The following GLIS3 variants were observed in gnomAD, a reference collection of about 807,000 sequenced individuals.
GLIS3 encodes GLIS family zinc finger 3.
A neutral mutation model predicts 78.6 loss-of-function variants in GLIS3; 53 were observed. The ratio of observed to expected loss-of-function variants is 0.67; its 90% CI spans 0.54 to 0.85. GLIS3 has a LOEUF of 0.85. GLIS3 is among the 40% of genes least tolerant of loss of function. The pLI is 0.00. For synonymous variants in GLIS3, 684 were observed against 509.9 expected (o/e 1.34, Z -4.60); for missense variants, 1,703 against 1,231.1 (o/e 1.38, Z -5.74).
At chr9:4,045,981 C>T (rs1825218243) in intron 4 of GLIS3, among the ~76,000 whole-genome samples, 1 of 152,106 alleles carries the variant, frequency 6.6e-6, no homozygotes. Context: ...TATTAGGCTG[C>T]TCATGACAAG....
intron 6 of GLIS3, among the ~76,000 whole-genome samples, chr9:3,925,586 A>AGTGT (rs1314039364): frequency 6.6e-6 from 1 of 151,042 alleles, no homozygotes. Flanking sequence ...CTACATGGTC[A>AGTGT]GTGTGTGTGC....
chr9:4,176,354 T>G (rs1424247373), intron 2 of GLIS3, among the ~76,000 whole-genome samples: 1 of 152,214 alleles, frequency 6.6e-6, no homozygotes, highest in Non-Finnish European at 1.5e-5. Flanking sequence ...TAGTCTGTCC[T>G]CTCCACCTAT....
intron 2 of GLIS3, among the ~76,000 whole-genome samples, chr9:4,344,682 G>C (rs1817876908): frequency 6.6e-6 from 1 of 152,130 alleles, no homozygotes; most frequent in South Asian, 2.1e-4. Flanking sequence ...CTAGTTCACT[G>C]TTTCACTTGG....
At chr9:4,239,779 G>A (rs1452486947) in intron 2 of GLIS3, among the ~76,000 whole-genome samples, 1 of 152,202 alleles carries the variant, frequency 6.6e-6, no homozygotes, top group Non-Finnish European at 1.5e-5. Flanking sequence ...GTATTTTGAA[G>A]CTATGTCTAA....
At chr9:4,035,414 C>A (rs1273247026) in intron 4 of GLIS3, among the ~76,000 whole-genome samples, 1 of 151,552 alleles carries the variant, frequency 6.6e-6, no homozygotes, top group Non-Finnish European at 1.5e-5. Context: ...CCCAGAATAT[C>A]CCAAAGCTAC....
intron 2 of GLIS3, among the ~76,000 whole-genome samples, chr9:4,194,215 G>C (rs111710699): frequency 6.6e-6 from 1 of 151,792 alleles, no homozygotes; most frequent in Non-Finnish European, 1.5e-5. Context: ...ACGCTGCCAC[G>C]CCCAGCTAAT....
In GLIS3 at chr9:3,828,461, C is replaced by T. The variant is rs186788884; in HGVS notation, c.2657-53G>A. ...AGTAACTCCTGCCCCATGCCACGCC[C>T]ACTGGAAATGCACTACAGTAATGCA... On this transcript the variant is annotated intron_variant, in intron 10 of 10. Transcript: ENST00000381971. 8.1e-6 allele frequency: 13 copies of T among 1,606,722 alleles called. No homozygotes were observed. The African/African-American group carries it at 1.6e-4, about 20-fold the overall frequency.
At chr9:3,842,863 T>C (rs1818806627) in intron 9 of GLIS3, among the ~76,000 whole-genome samples, 1 of 152,180 alleles carries the variant, frequency 6.6e-6, no homozygotes, top group South Asian at 2.1e-4. Context: ...TCATTTGAAA[T>C]GGAGAGAGGG....
chr9:4,313,575 G>C (rs1817396177), intron 2 of GLIS3, among the ~76,000 whole-genome samples: 1 of 152,216 alleles, frequency 6.6e-6, no homozygotes. Flanking sequence ...GGTCCTGGAT[G>C]TGACTCCTTG....
intron 2 of GLIS3, among the ~76,000 whole-genome samples, chr9:4,259,662 T>C (rs1407332301): frequency 6.6e-6 from 1 of 152,134 alleles, no homozygotes; most frequent in Non-Finnish European, 1.5e-5. Flanking sequence ...GTAACCCAAA[T>C]AACACAAGAT....
At chr9:4,029,358 G>C (rs1311834566) in intron 4 of GLIS3, among the ~76,000 whole-genome samples, 1 of 151,482 alleles carries the variant, frequency 6.6e-6, no homozygotes, top group Non-Finnish European at 1.5e-5. Context: ...TATATTTATG[G>C]GGTACATGAG....
At chr9:4,250,599 GTCTC>G (rs1824276218) in intron 2 of GLIS3, among the ~76,000 whole-genome samples, 2 of 152,028 alleles carry the variant, frequency 1.3e-5, no homozygotes, top group South Asian at 4.2e-4. Context: ...GTGTTTCTGT[GTCTC>G]TATCTCCTTC....
intron 2 of GLIS3, among the ~76,000 whole-genome samples, chr9:4,195,078 G>C (rs897280177): frequency 6.6e-6 from 1 of 152,240 alleles, no homozygotes; most frequent in African/African-American, 2.4e-5. Context: ...GGCTAGAACT[G>C]TGCTCTCCCC....
intron 7 of GLIS3, among the ~76,000 whole-genome samples, chr9:3,888,565 C>T (rs943040532): frequency 6.6e-6 from 1 of 152,224 alleles, no homozygotes; most frequent in Non-Finnish European, 1.5e-5. Flanking sequence ...AACAACAGCC[C>T]TTCTGGAGAA....
At chr9:3,849,561 C>G (rs1023657217) in intron 9 of GLIS3, among the ~76,000 whole-genome samples, 3 of 152,274 alleles carry the variant, frequency 2.0e-5, no homozygotes, top group South Asian at 4.1e-4. Context: ...ATGGGCACTG[C>G]TGACTCTGTG....
At chr9:4,250,534 T>G (rs1177009138) in intron 2 of GLIS3, among the ~76,000 whole-genome samples, 2 of 152,078 alleles carry the variant, frequency 1.3e-5, no homozygotes, top group African/African-American at 4.8e-5. Context: ...TAGCAGTCTA[T>G]CAGTTTTGTT....
intron 4 of GLIS3, among the ~76,000 whole-genome samples, chr9:3,969,594 C>A (rs1818224800): frequency 6.6e-6 from 1 of 152,194 alleles, no homozygotes; most frequent in Non-Finnish European, 1.5e-5. Flanking sequence ...GTAATCAGCA[C>A]CTTCAGCTGG....
the GLIS3 span, among the ~76,000 whole-genome samples, chr9:4,416,812 G>GTTTTTTTT: frequency 3.1e-5 from 3 of 95,804 alleles, no homozygotes; most frequent in African/African-American, 4.0e-5. Context: ...CCCATAGTCA[G>GTTTTTTTT]TTTTTTTTTT....
chr9:3,937,603 G>GA (rs202015041), intron 4 of GLIS3, among the ~76,000 whole-genome samples: 186 of 150,694 alleles, frequency 1.2e-3, no homozygotes, highest in South Asian at 0.012. Context: ...AAACTAATAA[G>GA]AAAAAAAAAG....
Sources: allele counts gnomAD v4.1 joint callset (sites outside exome capture counted in the v4.1 genomes callset), GRCh38; gene constraint gnomAD v4.1.1; transcripts MANE v1.5; gene names NCBI Gene and HGNC (gene_info 2026-07-23, HGNC 2026-07-21).